Variants in HNF1A observed in about 807,000 individuals in gnomAD.
The protein encoded by HNF1A is HNF1 homeobox A, also known as hepatocyte nuclear factor 1-alpha.
Under a neutral mutation model 62.2 loss-of-function variants are expected in HNF1A, and 21 were observed. The ratio of observed to expected loss-of-function variants is 0.34; its 90% CI spans 0.24 to 0.49. The LOEUF is 0.49. HNF1A is among the 20% of genes least tolerant of loss of function. The pLI is 0.99. For missense variants in HNF1A, 687 were observed against 832.3 expected, an observed-to-expected ratio of 0.83 and a Z score of 2.15; for synonymous variants, 374 against 366.8, an observed-to-expected ratio of 1.02 and a Z score of -0.22.
rs1434587053 is a variant in HNF1A at position 120,990,684 on chromosome 12, A to AAAGGG, written c.526+1653_526+1654insAGGGA. Among the ~76,000 whole-genome samples, 528 of 149,860 alleles carry AAAGGG rather than the reference A, an allele frequency of 3.5e-3. 2 individuals carry two copies. Among genetic ancestry groups the AAAGGG allele is most frequent in the African/African-American group, 0.012 (503 of 40,632 alleles). ...AGGGAGGAAAGGTAGGAAAGGGAGG[A>AAAGGG]AGGAAGGAAGGAAGGAAAAGAAAAG... On this transcript the variant is annotated intron_variant, in intron 2 of 9. Transcript: ENST00000257555.
intron 1 of HNF1A, 24 bp downstream of exon 1, chr12:120,979,118 G>A (rs199785468): frequency 4.9e-5 from 77 of 1,585,810 alleles, no homozygotes; most frequent in East Asian, 1.1e-4. Flanking sequence ...CCCCGTCCCC[G>A]CTCCCAGGAG....
At chr12:120,990,839 G>T (rs755264550) in intron 2 of HNF1A, among the ~76,000 whole-genome samples, 1 of 152,152 alleles carries the variant, frequency 6.6e-6, no homozygotes, top group Non-Finnish European at 1.5e-5. Flanking sequence ...CCAGACTCTT[G>T]TGTATCCTTC....
rs1261968643 is a variant in HNF1A at position 120,978,893 on chromosome 12, G to A, written c.125G>A (p.Gly42Asp). 5.6e-6 allele frequency: 9 copies of A among 1,613,146 alleles called. No homozygotes were observed. The highest frequency in any genetic ancestry group is 6.8e-6 in the Non-Finnish European group (8 of 1,179,734). ...EPGPYLLAGE[G>D]PLDKGESCGG... is the part of the protein sequence containing the mutation. ...GGGCCCTACCTCCTGGCTGGAGAAG[G>A]CCCCCTGGACAAGGGGGAGTCCTGC... Residue 42 changes from glycine to aspartate, a missense_variant, in exon 1 of 10, where the codon GGC (glycine) becomes GAC (aspartate). Coordinates refer to ENST00000257555, the MANE Select transcript of HNF1A (RefSeq NM_000545.8).
In HNF1A at chr12:120,978,922, G is replaced by T. The variant is rs769666514; in HGVS notation, c.154G>T (p.Gly52Cys). The T allele has an allele frequency of 6.2e-7, 1 of 1,611,084 alleles. No homozygotes were observed. Among genetic ancestry groups the T allele is most frequent in the Non-Finnish European group, 8.5e-7 (1 of 1,178,730 alleles). The change falls in exon 1 of 10, where the codon GGC (glycine) becomes TGC (cysteine). Residue 52 changes from glycine (G) to cysteine (C), a missense_variant. By Grantham distance (159) the Gly-to-Cys change is radical (BLOSUM62 -3). This residue lies in a region of HNF1A where 159 missense variants were observed against 154.4 expected (regional missense o/e 1.03). Coordinates refer to ENST00000257555, the MANE Select transcript of HNF1A (RefSeq NM_000545.8). ...CCTGGACAAGGGGGAGTCCTGCGGC[G>T]GCGGTCGAGGGGAGCTGGCTGAGCT... is the stretch of plus-strand genomic sequence containing the variant. ...GPLDKGESCG[G>C]GRGELAELPN... is the part of the protein sequence containing the mutation.
chr12:120,987,611 C>CAT (rs762199403), intron 1 of HNF1A, among the ~76,000 whole-genome samples: 5,772 of 141,654 alleles, frequency 0.041, 130 homozygotes, highest in South Asian at 0.096. Context: ...TATATATACA[C>CAT]ATATATATAT....
chr12:120,993,554 A>G lies in HNF1A; in HGVS notation c.561A>G (p.Glu187=), dbSNP rs2135838982. The G allele has an allele frequency of 1.2e-6, 2 of 1,614,170 alleles. No individual in the cohort carries two copies. The highest frequency in any genetic ancestry group is 1.7e-6 in the Non-Finnish European group (2 of 1,180,016). The change falls in exon 3 of 10, where the codon GAA becomes GAG. Residue 187 remains glutamate (E), a synonymous_variant. Coordinates refer to ENST00000257555, the MANE Select transcript of HNF1A (RefSeq NM_000545.8). ...ATGCAGGGCAGGGAGGGCTGATTGA[A>G]GAGCCCACAGGTGATGAGCTACCAA... ...FTHAGQGGLI[E]EPTGDELPTK...
chr12:120,990,634 A>AGGAAAGGGAGGAAAGG (rs1876780156), intron 2 of HNF1A, among the ~76,000 whole-genome samples: 2 of 110,994 alleles, frequency 1.8e-5, no homozygotes, highest in African/African-American at 3.5e-5. Context: ...GGGAGGAAAG[A>AGGAAAGGGAGGAAAGG]TAGGAAAGGG....
chr12:120,989,561 G>A (rs1876711425), intron 2 of HNF1A, among the ~76,000 whole-genome samples: 1 of 152,176 alleles, frequency 6.6e-6, no homozygotes, highest in African/African-American at 2.4e-5. Context: ...TACCCGGCCT[G>A]GGTCCCTGCT....
rs1877522157 is a variant in HNF1A at position 121,001,987 on chromosome 12, G to A, written c.*795G>A. Reference sequence around the variant, plus strand: ...AAGGCTACTTCGGGGCTGGGAAGTCGTCCTTACTCCTGTGGGAGCCTCGCA... The same window carrying A: ...AAGGCTACTTCGGGGCTGGGAAGTCATCCTTACTCCTGTGGGAGCCTCGCA... On this transcript the variant is annotated 3_prime_UTR_variant, in exon 10 of 10. Transcript: ENST00000257555. 7.5e-6 allele frequency: 4 copies of A among 536,076 alleles called. No individual in the cohort carries two copies. Among genetic ancestry groups the A allele is most frequent in the African/African-American group, 7.4e-5 (4 of 53,924 alleles). 33.2% of individuals were successfully genotyped at this position (536,076 alleles called of 1,614,324 possible).
In HNF1A at chr12:120,996,846, A is replaced by ATTCAT. The variant is rs772462950; in HGVS notation, c.1309+104_1309+105insTTCAT. 7.1e-6 allele frequency: 11 copies of ATTCAT among 1,555,142 alleles called. No homozygotes were observed. Among genetic ancestry groups the ATTCAT allele is most frequent in the African/African-American group, 1.4e-5 (1 of 73,322 alleles). On this transcript the variant is annotated intron_variant, in intron 6 of 9. Coordinates refer to ENST00000257555, the MANE Select transcript of HNF1A (RefSeq NM_000545.8). This position sits in a 1 kb window ranked among gnomAD's most constrained non-coding sequence, Gnocchi z 4.5. ...CTGGGACTCATTCATTCATTCATAC[A>ATTCAT]ACATGTATTTATCCAGTGCCTACTC... is the stretch of plus-strand genomic sequence containing the variant.
chr12:120,995,583 C>T (rs960565616), intron 4 of HNF1A, among the ~76,000 whole-genome samples: 8 of 151,420 alleles, frequency 5.3e-5, no homozygotes, highest in Non-Finnish European at 7.4e-5. Flanking sequence ...TTCCAGTCTA[C>T]TCCATTCACT....
chr12:120,996,883 C>T lies in HNF1A; in HGVS notation c.1309+141C>T. The T allele has an allele frequency of 6.5e-7, 1 of 1,532,564 alleles. No individual in the cohort carries two copies. Among genetic ancestry groups the T allele is most frequent in the Non-Finnish European group, 8.8e-7 (1 of 1,131,530 alleles). 94.9% of individuals were successfully genotyped at this position (1,532,564 alleles called of 1,614,324 possible). ...TCCAGTGCCTACTCTGGACCAGTCA[C>T]TGTGCTACATCAGTGATACCTGGGT... On this transcript the variant is annotated intron_variant, in intron 6 of 9. Coordinates refer to ENST00000257555, the MANE Select transcript of HNF1A (RefSeq NM_000545.8). The surrounding 1 kb of genome is among the most constrained non-coding windows in gnomAD (Gnocchi z 4.5).
intron 2 of HNF1A, among the ~76,000 whole-genome samples, chr12:120,990,527 C>T (rs560903800): frequency 7.2e-5 from 11 of 151,982 alleles, no homozygotes; most frequent in Non-Finnish European, 1.6e-4. Context: ...TGTTTGAGCC[C>T]CCAGGGGTTC....
At chr12:120,997,730 G>A in intron 7 of HNF1A, 65 bp downstream of exon 7, 1 of 1,499,554 alleles carries the variant, frequency 6.7e-7, no homozygotes, top group Non-Finnish European at 9.1e-7. Context: ...TGGATGCAGG[G>A]GAAAGGGGTG....
At chr12:120,989,894 C>T (rs1876724552) in intron 2 of HNF1A, among the ~76,000 whole-genome samples, 1 of 151,996 alleles carries the variant, frequency 6.6e-6, no homozygotes, top group African/African-American at 2.4e-5. Flanking sequence ...CATGGAGACG[C>T]AGGGAAGGGT....
chr12:120,997,074 C>T, intron 6 of HNF1A: 1 of 1,409,130 alleles, frequency 7.1e-7, no homozygotes, highest in East Asian at 2.9e-5. Context: ...AAAAATTAAG[C>T]CCAGAAAGCC....
rs754729248 is a variant in HNF1A, at chr12:120,996,568, C to G, written c.1135C>G (p.Pro379Ala). Residue 379 changes from proline to alanine, a missense_variant, in exon 6 of 10, where the codon CCT becomes GCT. Around this residue, in one of 5 missense-constraint regions of HNF1A, gnomAD observed 408 missense variants for 455.3 expected, o/e 0.90. Transcript: ENST00000257555. The surrounding 1 kb of genome is among the most constrained non-coding windows in gnomAD (Gnocchi z 4.5). ...CTCAGCAGCTGGGGGCCCCCTCCCC[C>G]CTGTCAGCACCCTGACAGCACTGCA... is the stretch of plus-strand genomic sequence containing the variant. The part of the protein sequence containing the change: ...LVSAAGGPLP[P>A]VSTLTALHSL... The G allele has an allele frequency of 1.2e-4, 197 of 1,613,810 alleles. 1 individual carries two copies. The highest frequency in any genetic ancestry group is 6.7e-4 in the Admixed American group (40 of 59,990).
rs1048268093 is a variant in HNF1A at position 121,002,060 on chromosome 12, C to T, written c.*868C>T. On this transcript the variant is annotated 3_prime_UTR_variant, in exon 10 of 10. Coordinates refer to ENST00000257555, the MANE Select transcript of HNF1A (RefSeq NM_000545.8). ...GGTGGGGCAGCTCCTCTGTCTCGAGCGCCCTGCAGACCCTGCCCTTGTTTG... is the reference window on the plus strand; with the variant it reads ...GGTGGGGCAGCTCCTCTGTCTCGAGTGCCCTGCAGACCCTGCCCTTGTTTG... The T allele has an allele frequency of 1.3e-5, 7 of 536,562 alleles. No individual in the cohort carries two copies. The highest frequency in any genetic ancestry group is 3.1e-5 in the South Asian group (2 of 65,256). The allele number at this position is 536,562 out of a possible 1,614,324, so 33.2% of individuals were successfully genotyped here.
intron 9 of HNF1A, among the ~76,000 whole-genome samples, chr12:121,000,230 C>T (rs1402539445): frequency 6.6e-6 from 1 of 152,122 alleles, no homozygotes; most frequent in Non-Finnish European, 1.5e-5. Flanking sequence ...TGCCTTTTTG[C>T]AAGCTGCCCC....
Sources: allele counts gnomAD v4.1 joint callset (sites outside exome capture counted in the v4.1 genomes callset), GRCh38; gene constraint gnomAD v4.1.1; regional missense constraint gnomAD v4.1.1; non-coding constraint Gnocchi (gnomAD v3.1); transcripts MANE v1.5; gene names NCBI Gene and HGNC (gene_info 2026-07-23, HGNC 2026-07-21).